The following GREB1 variants were observed in gnomAD, a reference collection of about 807,000 sequenced individuals.
GREB1 encodes protein GREB1.
In GREB1, 106 loss-of-function variants were observed where a neutral mutation model predicts 200.7. The ratio of observed to expected loss-of-function variants is 0.53; its 90% CI spans 0.45 to 0.62. GREB1 has a LOEUF of 0.62. GREB1 is among the 20% of genes least tolerant of loss of function. GREB1 has a pLI of 0.00. For synonymous variants in GREB1, 1,132 were observed against 1,092.4 expected (o/e 1.04, Z -0.72); for missense variants, 2,243 against 2,556.8 (o/e 0.88, Z 2.65).
intron 11 of GREB1, among the ~76,000 whole-genome samples, chr2:11,593,758 C>G (rs540368801): frequency 6.6e-6 from 1 of 151,664 alleles, no homozygotes; most frequent in African/African-American, 2.4e-5. Flanking sequence ...AGTGAGCCAC[C>G]GTGCCCGGCC....
intron 18 of GREB1, 70 bp downstream of exon 18, chr2:11,611,097 G>T (rs1156489466): frequency 7.6e-7 from 1 of 1,313,786 alleles, no homozygotes; most frequent in Admixed American, 2.4e-5. Flanking sequence ...CCCACCAGAG[G>T]CAGGGAGTGT....
At position 11,580,949 on chromosome 2, in the gene GREB1, T is replaced by C. The variant is rs920455931; in HGVS notation, c.901+117T>C. On this transcript the variant is annotated intron_variant, in intron 7 of 32. Transcript: ENST00000381486. This position sits in a 1 kb window ranked among gnomAD's most constrained non-coding sequence, Gnocchi z 4.5. ...GAGCCTCCTGGAGTCTGATGTGGCTTCCATGAGAGTCAGGCCAGGACCACA... is the reference window on the plus strand; with the variant it reads ...GAGCCTCCTGGAGTCTGATGTGGCTCCCATGAGAGTCAGGCCAGGACCACA... 57 of 1,295,338 alleles carry C rather than the reference T, an allele frequency of 4.4e-5. No individual in the cohort carries two copies. Among genetic ancestry groups the C allele is most frequent in the Non-Finnish European group, 6.0e-5 (54 of 907,246 alleles). The allele number at this position is 1,295,338 out of a possible 1,614,324, so 80.2% of individuals were successfully genotyped here.
intron 17 of GREB1, 123 bp from the exon 18 acceptor site, chr2:11,610,565 C>A: frequency 1.4e-6 from 1 of 698,598 alleles, no homozygotes; most frequent in Non-Finnish European, 2.4e-6. Context: ...CTTCCAGAGG[C>A]AACACAACTG....
At chr2:11,631,788 A>G in intron 26 of GREB1, 121 bp from the exon 27 acceptor site, 1 of 762,630 alleles carries the variant, frequency 1.3e-6, no homozygotes. Context: ...AAGGCTGAAA[A>G]TTCCAGCAGT....
intron 14 of GREB1, 81 bp from the exon 15 acceptor site, chr2:11,598,599 G>A: frequency 7.9e-7 from 1 of 1,260,876 alleles, no homozygotes; most frequent in Non-Finnish European, 1.1e-6. Context: ...CTGTGTAGGA[G>A]TCGCTCCTCA....
At chr2:11,526,956 G>A (rs1673897636) in intron 1 of GREB1, among the ~76,000 whole-genome samples, 1 of 152,058 alleles carries the variant, frequency 6.6e-6, no homozygotes, top group African/African-American at 2.4e-5. Context: ...ATATTCTTAA[G>A]CTTTCTAATA....
At chr2:11,604,870 A>C (rs1216700492) in intron 17 of GREB1, among the ~76,000 whole-genome samples, 2 of 152,368 alleles carry the variant, frequency 1.3e-5, no homozygotes, top group African/African-American at 4.8e-5. Flanking sequence ...TCCGACTGTT[A>C]GTCCTCTATG....
In GREB1 at chr2:11,640,496, G is replaced by A. The variant is rs1241677272; in HGVS notation, c.*42G>A. On this transcript the variant is annotated 3_prime_UTR_variant, in exon 33 of 33. Transcript: ENST00000381486. This position sits in a 1 kb window ranked among gnomAD's most constrained non-coding sequence, Gnocchi z 4.6. ...TTTTCTGAAGAGATGAGTGCTCAGAGCCCTCATGCTGTTGAGGCTAAAGGG... is the reference window on the plus strand; with the variant it reads ...TTTTCTGAAGAGATGAGTGCTCAGAACCCTCATGCTGTTGAGGCTAAAGGG... 1 of 1,607,528 alleles carries A rather than the reference G, an allele frequency of 6.2e-7. No individual in the cohort carries two copies. The highest frequency in any genetic ancestry group is 1.3e-5 in the African/African-American group (1 of 74,758).
chr2:11,587,598 T>C, intron 9 of GREB1: 1 of 1,475,520 alleles, frequency 6.8e-7, no homozygotes, highest in Non-Finnish European at 9.0e-7. Context: ...GCACCAGCTT[T>C]ACTCCCCGAG....
chr2:11,564,017 T>TG (rs1677362190), intron 3 of GREB1, among the ~76,000 whole-genome samples: 2 of 152,044 alleles, frequency 1.3e-5, no homozygotes, highest in African/African-American at 4.8e-5. Context: ...GGAGGATTAG[T>TG]ACGAGTCAGC....
chr2:11,591,225 G>A (rs913159578), intron 10 of GREB1, among the ~76,000 whole-genome samples: 11 of 152,204 alleles, frequency 7.2e-5, no homozygotes, highest in African/African-American at 2.4e-4. Context: ...CAAAGAGGGA[G>A]ATATAAGCTA....
chr2:11,505,249 C>T (rs369673998), intron 1 of GREB1, among the ~76,000 whole-genome samples: 10 of 152,224 alleles, frequency 6.6e-5, no homozygotes, highest in East Asian at 1.9e-4. Flanking sequence ...CACATTCTAC[C>T]GAGATGGGGA....
chr2:11,511,235 A>C (rs1673341643), intron 1 of GREB1, among the ~76,000 whole-genome samples: 1 of 152,066 alleles, frequency 6.6e-6, no homozygotes, highest in Non-Finnish European at 1.5e-5. Flanking sequence ...TCATCCAGTA[A>C]AGCATTTTTC....
chr2:11,606,312 C>T (rs1380430142), intron 17 of GREB1, among the ~76,000 whole-genome samples: 1 of 152,220 alleles, frequency 6.6e-6, no homozygotes, highest in African/African-American at 2.4e-5. Flanking sequence ...ATCAGAATTT[C>T]AGTGGCTCCA....
Position 11,637,878 on chromosome 2 carries a change from G to A in GREB1, c.5509G>A (p.Val1837Met). The change falls in exon 31 of 33, where the codon GTG becomes ATG. Residue 1837 changes from valine to methionine, a missense_variant. Transcript: ENST00000381486. ...PLSLKNHDHP[V>M]LSVDCYLNLG... ...GTCCCTGAAGAACCATGACCACCCAGTGCTGTCTGTCGACTGTTACCTGAA... is the reference window on the plus strand; with the variant it reads ...GTCCCTGAAGAACCATGACCACCCAATGCTGTCTGTCGACTGTTACCTGAA... 1 of 1,614,172 alleles carries A rather than the reference G, an allele frequency of 6.2e-7. No individual in the cohort carries two copies. The highest frequency in any genetic ancestry group is 8.5e-7 in the Non-Finnish European group (1 of 1,180,046).
chr2:11,553,587 C>A lies in GREB1; in HGVS notation c.-161-2867C>A, dbSNP rs1172629947. On this transcript the variant is annotated intron_variant, in intron 1 of 32. Coordinates refer to ENST00000381486, the MANE Select transcript of GREB1 (RefSeq NM_014668.4). The stretch of plus-strand genomic sequence containing the variant: ...CCCCATTCTATTTTTTTTTTTTCAG[C>A]AAGCGTTTCTGCCGGCTATGTATCT... Among the ~76,000 whole-genome samples, 6 of 151,194 alleles carry A rather than the reference C, an allele frequency of 4.0e-5. No homozygotes were observed. In the South Asian group the frequency reaches 1.0e-3, roughly 26 times the overall value.
chr2:11,631,801 A>C, intron 26 of GREB1, 108 bp from the exon 27 acceptor site: 1 of 828,448 alleles, frequency 1.2e-6, no homozygotes, highest in Non-Finnish European at 2.0e-6. Context: ...CCAGCAGTGT[A>C]GGCATGGTCA....
Position 11,625,155 on chromosome 2 carries a change from C to T in GREB1, c.4149C>T (p.Asn1383=). ...TCTATGTTTCTACCAATCTTGTAGA[C>T]CTCAGAGAAGAATCTGACTGGCATT... ...DVYDEEEINI[N]LREESDWHYL... The change falls in exon 24 of 33, where the codon AAC becomes AAT. Residue 1383 remains asparagine (N), a splice_region_variant and synonymous_variant. Transcript: ENST00000381486. 2 of 1,612,006 alleles carry T rather than the reference C, an allele frequency of 1.2e-6. No homozygotes were observed. The highest frequency in any genetic ancestry group is 1.7e-6 in the Non-Finnish European group (2 of 1,178,090).
intron 6 of GREB1, 25 bp downstream of exon 6, chr2:11,578,456 G>A (rs1679113611): frequency 3.1e-6 from 5 of 1,611,234 alleles, no homozygotes; most frequent in Non-Finnish European, 4.2e-6. Flanking sequence ...ACACACCAGA[G>A]CTGCTAAACC....
Sources: allele counts gnomAD v4.1 joint callset (sites outside exome capture counted in the v4.1 genomes callset), GRCh38; gene constraint gnomAD v4.1.1; non-coding constraint Gnocchi (gnomAD v3.1); transcripts MANE v1.5; gene names NCBI Gene and HGNC (gene_info 2026-07-23, HGNC 2026-07-21).